Variants in ANKS1A observed in about 807,000 individuals in gnomAD.
The protein encoded by ANKS1A is ankyrin repeat and SAM domain-containing protein 1A.
ANKS1A carries 55 observed loss-of-function variants against 120.3 expected under a neutral mutation model. That is an observed-to-expected ratio of 0.46 (90% CI 0.37 to 0.57). The LOEUF is 0.57. ANKS1A is among the 20% of genes least tolerant of loss of function. The probability of loss-of-function intolerance (pLI) is 0.00; values close to 1 mark genes in which losing one functional copy is unlikely to be tolerated. For missense variants in ANKS1A, 1,123 were observed against 1,480.3 expected (o/e 0.76, Z 3.96); for synonymous variants, 590 against 604.7 (o/e 0.98, Z 0.36).
At chr6:34,913,409 C>G (rs1767995211) in intron 1 of ANKS1A, among the ~76,000 whole-genome samples, 3 of 152,178 alleles carry the variant, frequency 2.0e-5, no homozygotes, top group African/African-American at 7.2e-5. Context: ...CCTCTGCAGC[C>G]TTGACTTCCC....
chr6:35,090,279 T>C lies in ANKS1A; in HGVS notation c.*1670T>C, dbSNP rs1421149307. 7.8e-7 allele frequency: 1 copy of C among 1,289,782 alleles called. No individual in the cohort carries two copies. Among genetic ancestry groups the C allele is most frequent in the Non-Finnish European group, 1.0e-6 (1 of 988,866 alleles). 79.9% of individuals were successfully genotyped at this position (1,289,782 alleles called of 1,614,324 possible). On this transcript the variant is annotated 3_prime_UTR_variant, in exon 24 of 24. Coordinates refer to ENST00000360359, the MANE Select transcript of ANKS1A (RefSeq NM_015245.3). ...CGCTGTACAGTTCTCGGCCCCGGCT[T>C]TCTTCCAAGAGTTGACCAGGAACCC...
At chr6:35,021,448 C>CACCA (rs1195072888) in intron 11 of ANKS1A, among the ~76,000 whole-genome samples, 5 of 152,190 alleles carry the variant, frequency 3.3e-5, no homozygotes, top group Non-Finnish European at 5.9e-5. Context: ...GCCCCAGCTC[C>CACCA]TCCATCTCCA....
chr6:35,063,951 T>C (rs1178284337), intron 13 of ANKS1A, among the ~76,000 whole-genome samples: 1 of 151,854 alleles, frequency 6.6e-6, no homozygotes, highest in Non-Finnish European at 1.5e-5. Flanking sequence ...AGGGGTTTCG[T>C]AGAGATGGTG....
chr6:34,927,137 G>A (rs1306143961), intron 1 of ANKS1A, among the ~76,000 whole-genome samples: 2 of 151,982 alleles, frequency 1.3e-5, no homozygotes, highest in African/African-American at 2.4e-5. Context: ...ATCATATTAC[G>A]TAAAATGGTG....
chr6:35,043,475 T>C (rs1233665365), intron 11 of ANKS1A, among the ~76,000 whole-genome samples: 1 of 152,232 alleles, frequency 6.6e-6, no homozygotes, highest in Non-Finnish European at 1.5e-5. Context: ...AGGGGTTCTG[T>C]GTCTCTGGGA....
At chr6:34,936,359 G>A (rs1165219483) in intron 1 of ANKS1A, among the ~76,000 whole-genome samples, 1 of 152,192 alleles carries the variant, frequency 6.6e-6, no homozygotes, top group East Asian at 1.9e-4. Context: ...GAGGCCTTTG[G>A]AGGGCCTTTT....
At chr6:35,056,490 G>T (rs557075562) in intron 12 of ANKS1A, among the ~76,000 whole-genome samples, 6 of 152,026 alleles carry the variant, frequency 3.9e-5, no homozygotes, top group African/African-American at 1.4e-4. Context: ...GGGTTTCACC[G>T]TGTTAGCCAG....
rs949315318 is a variant in ANKS1A, at chr6:34,889,719, G to T, written c.197+120G>T. The T allele has an allele frequency of 8.6e-7, 1 of 1,160,064 alleles. No homozygotes were observed. Among genetic ancestry groups the T allele is most frequent in the African/African-American group, 1.6e-5 (1 of 61,790 alleles). The allele number at this position is 1,160,064 out of a possible 1,614,324, so 71.9% of individuals were successfully genotyped here. ...GGCGGGGTGGGCTTGTGGCGTGCCC[G>T]GGGCGAGGCAGGCGGCCCGCGGGCC... is the stretch of plus-strand genomic sequence containing the variant. On this transcript the variant is annotated intron_variant, in intron 1 of 23. Coordinates refer to ENST00000360359, the MANE Select transcript of ANKS1A (RefSeq NM_015245.3). This position sits in a 1 kb window ranked among gnomAD's most constrained non-coding sequence, Gnocchi z 5.5.
chr6:34,971,359 C>T (rs1002847186), intron 3 of ANKS1A, among the ~76,000 whole-genome samples: 2 of 152,194 alleles, frequency 1.3e-5, no homozygotes, highest in African/African-American at 4.8e-5. Flanking sequence ...ACATTTATAT[C>T]TTTGGAAAAA....
chr6:34,958,803 T>G (rs1409980667), intron 1 of ANKS1A, among the ~76,000 whole-genome samples: 1 of 152,246 alleles, frequency 6.6e-6, no homozygotes, highest in Non-Finnish European at 1.5e-5. Flanking sequence ...TGCTTCCTTC[T>G]AAACTTTAAG....
chr6:34,964,588 G>C (rs1290802997), intron 1 of ANKS1A, among the ~76,000 whole-genome samples: 2 of 152,208 alleles, frequency 1.3e-5, no homozygotes, highest in African/African-American at 4.8e-5. Flanking sequence ...TGTTGTCGTT[G>C]ATGGTTACGT....
chr6:34,961,102 G>A lies in ANKS1A; in HGVS notation c.198-6137G>A, dbSNP rs145369483. Among the ~76,000 whole-genome samples, 26 of 152,272 alleles carry A rather than the reference G, an allele frequency of 1.7e-4. No individual in the cohort carries two copies. The East Asian group carries it at 3.3e-3, about 19-fold the overall frequency. On this transcript the variant is annotated intron_variant, in intron 1 of 23. Transcript: ENST00000360359. ...ATTGCATTTCTGCACAATCTTTACAGGTTAAACTTTGCTTAGGAATCTCCT... is the reference window on the plus strand; with the variant it reads ...ATTGCATTTCTGCACAATCTTTACAAGTTAAACTTTGCTTAGGAATCTCCT...
chr6:35,050,343 T>C lies in ANKS1A; in HGVS notation c.2011-3756T>C, dbSNP rs1775909636. Among the ~76,000 whole-genome samples the C allele has an allele frequency of 6.6e-6, 1 of 152,174 alleles. No homozygotes were observed. The highest frequency in any genetic ancestry group is 6.5e-5 in the Admixed American group (1 of 15,280). On this transcript the variant is annotated intron_variant, in intron 11 of 23. Coordinates refer to ENST00000360359, the MANE Select transcript of ANKS1A (RefSeq NM_015245.3). The surrounding 1 kb of genome is among the most constrained non-coding windows in gnomAD (Gnocchi z 4.3). The stretch of plus-strand genomic sequence containing the variant: ...AGTATAAGTTTTCAGTCAGTTCACG[T>C]GAAGTGCACTAATAAGGAAGCATGG...
chr6:34,985,783 T>C (rs1460552583), intron 8 of ANKS1A, among the ~76,000 whole-genome samples: 4 of 152,192 alleles, frequency 2.6e-5, no homozygotes, highest in Non-Finnish European at 5.9e-5. Flanking sequence ...TAACATTGTA[T>C]TTATTAGTAT....
At position 35,074,814 on chromosome 6, in the gene ANKS1A, G is replaced by A. The variant is rs79207479; in HGVS notation, c.2185-3744G>A. On this transcript the variant is annotated intron_variant, in intron 13 of 23. Transcript: ENST00000360359. The stretch of plus-strand genomic sequence containing the variant: ...GGGGCTCTCTTCACCTGGGCTCTCT[G>A]AAGCTTAAGTCTGGCAGTGTCCTCT... 1.8e-3 allele frequency among the ~76,000 whole-genome samples: 280 copies of A among 152,348 alleles called. 9 individuals carry two copies. The East Asian group carries it at 0.047, about 26-fold the overall frequency.
At chr6:34,934,775 C>A (rs1360736740) in intron 1 of ANKS1A, among the ~76,000 whole-genome samples, 1 of 152,214 alleles carries the variant, frequency 6.6e-6, no homozygotes, top group East Asian at 1.9e-4. Context: ...AAGAACCTGT[C>A]GACATCTCAG....
chr6:34,903,347 CTTTT>C (rs148365667), intron 1 of ANKS1A, among the ~76,000 whole-genome samples: 1 of 145,106 alleles, frequency 6.9e-6, no homozygotes, highest in African/African-American at 2.5e-5. Context: ...TGTAGAAAAA[CTTTT>C]TTTTTTTTTT....
At chr6:34,973,947 TCCCTTCCCCTTCCCCTTGCCTTC>T (rs1561881971) in intron 3 of ANKS1A, among the ~76,000 whole-genome samples, 2 of 77,598 alleles carry the variant, frequency 2.6e-5, no homozygotes, top group Non-Finnish European at 5.1e-5. Context: ...CCCTTCCCCT[TCCCTTCCCCTTCCCCTTGCCTTC>T]CCCTTCCCCT....
chr6:34,922,573 C>G (rs1320405385), intron 1 of ANKS1A, among the ~76,000 whole-genome samples: 1 of 152,118 alleles, frequency 6.6e-6, no homozygotes, highest in Non-Finnish European at 1.5e-5. Context: ...CATAAAAGCC[C>G]TTATAGCTCT....
Sources: gnomAD v4.1 joint callset for allele counts (sites outside exome capture counted in the v4.1 genomes callset) on GRCh38, gnomAD v4.1.1 for gene constraint, Gnocchi (gnomAD v3.1) non-coding constraint, MANE v1.5 for transcripts, NCBI Gene and HGNC (gene_info 2026-07-23, HGNC 2026-07-21) for gene names.